DPP7: variants seen among roughly 807,000 people sequenced by gnomAD.
The protein encoded by DPP7 is dipeptidyl peptidase 2.
In DPP7, 74 loss-of-function variants were observed where a neutral mutation model predicts 58.8. The ratio of observed to expected loss-of-function variants is 1.26; its 90% confidence interval spans 1.04 to 1.53. The LOEUF (loss-of-function observed/expected upper bound fraction) is 1.53. DPP7 is among the 40% of genes most tolerant of loss of function. The probability of loss-of-function intolerance (pLI) is 0.00; values close to 1 mark genes in which losing one functional copy is unlikely to be tolerated. For missense variants in DPP7, 807 were observed against 692.3 expected (o/e 1.17, Z -1.86); for synonymous variants, 350 against 303.6 (o/e 1.15, Z -1.59).
At chr9:137,115,777 C>T (rs377173008), upstream of DPP7, among the ~76,000 whole-genome samples, 11 of 152,260 alleles carry the variant, frequency 7.2e-5, no homozygotes, top group East Asian at 3.9e-4. Context: ...CACTGCAACA[C>T]GAGGTCATCC....
intron 11 of DPP7, among the ~76,000 whole-genome samples, chr9:137,111,314 G>T (rs1323373009): frequency 1.5e-5 from 2 of 131,896 alleles, no homozygotes; most frequent in African/African-American, 5.1e-5. Flanking sequence ...ACGGGAGCAG[G>T]GTAGGGGCAG....
At position 137,114,733 on chromosome 9, in the gene DPP7, C is replaced by G. The variant is rs1386731365; in HGVS notation, c.-20G>C. 7 of 1,268,174 alleles carry G rather than the reference C, an allele frequency of 5.5e-6. No individual in the cohort carries two copies. The highest frequency in any genetic ancestry group is 6.9e-6 in the Non-Finnish European group (7 of 1,010,102). The allele number at this position is 1,268,174 out of a possible 1,614,324, so 78.6% of individuals were successfully genotyped here. ...GCCCATGTCGCCTTCCGCGGGCGCC[C>G]GTCACGTGGGCGGGGTCACGGGGCC... On this transcript the variant is annotated 5_prime_UTR_variant, in exon 1 of 13. Transcript: ENST00000371579.
chr9:137,113,453 G>A lies in DPP7; in HGVS notation c.529C>T (p.His177Tyr), dbSNP rs757478365. The stretch of plus-strand genomic sequence containing the variant: ...GCCGCCAGCGCCCCCGCCACCAGGT[G>A]GGGATACTTCATCCTCAGGTAGGCA... ...LSAYLRMKYPHLVAGALAASA... is the reference protein window; with the variant it reads ...LSAYLRMKYPYLVAGALAASA... Residue 177 changes from histidine (H) to tyrosine (Y), a missense_variant, in exon 5 of 13, where the codon CAC becomes TAC. Coordinates refer to ENST00000371579, the MANE Select transcript of DPP7 (RefSeq NM_013379.3). The A allele has an allele frequency of 1.1e-5, 18 of 1,603,794 alleles. No individual in the cohort carries two copies. Among genetic ancestry groups the A allele is most frequent in the Non-Finnish European group, 1.4e-5 (17 of 1,173,982 alleles).
At position 137,113,905 on chromosome 9, in the gene DPP7, G is replaced by A; in HGVS notation, c.445C>T (p.Leu149Phe). The A allele has an allele frequency of 3.2e-6, 5 of 1,572,470 alleles. No individual in the cohort carries two copies. Among genetic ancestry groups the A allele is most frequent in the Non-Finnish European group, 4.3e-6 (5 of 1,165,342 alleles). The change falls in exon 4 of 13, where the codon CTC becomes TTC. Residue 149 changes from leucine to phenylalanine, a missense_variant. By Grantham distance (22) the Leu-to-Phe change is conservative. Around this residue, in one of 3 missense-constraint regions of DPP7, gnomAD observed 624 missense variants for 531.2 expected, o/e 1.17. Coordinates refer to ENST00000371579, the MANE Select transcript of DPP7 (RefSeq NM_013379.3). The part of the protein sequence containing the change: ...AELLRALRRD[L>F]GAQDAPAIAF... ...ATGGCGGGGGCATCCTGGGCCCCGA[G>A]GTCGCGTCGTAGCGCGCGGAGCAGC... is the stretch of plus-strand genomic sequence containing the variant.
In DPP7 at chr9:137,113,981, G is replaced by A. The variant is rs1329769283; in HGVS notation, c.369C>T (p.Arg123=). The part of the protein sequence containing the change: ...SLPFGAQSTQ[R]GHTELLTVEQ... ...CCACCGTCAGCAGCTCCGTGTGCCC[G>A]CGCTGCGTGGACTGCGCACCGAACG... The change falls in exon 4 of 13, where the codon CGC becomes CGT. Residue 123 remains arginine (R), a synonymous_variant. Coordinates refer to ENST00000371579, the MANE Select transcript of DPP7 (RefSeq NM_013379.3). The A allele has an allele frequency of 6.3e-7, 1 of 1,579,140 alleles. No individual in the cohort carries two copies. The highest frequency in any genetic ancestry group is 8.6e-7 in the Non-Finnish European group (1 of 1,167,050).
At position 137,113,888 on chromosome 9, in the gene DPP7, G is replaced by A; in HGVS notation, c.462C>T (p.Ala154=). 3.2e-6 allele frequency: 5 copies of A among 1,560,724 alleles called. No homozygotes were observed. Among genetic ancestry groups the A allele is most frequent in the Non-Finnish European group, 4.3e-6 (5 of 1,158,986 alleles). ...ALRRDLGAQD[A]PAIAFGGSYG... is the part of the protein sequence containing the mutation. ...ACCTTCCACCGAAGGCGATGGCGGGGGCATCCTGGGCCCCGAGGTCGCGTC... is the reference window on the plus strand; with the variant it reads ...ACCTTCCACCGAAGGCGATGGCGGGAGCATCCTGGGCCCCGAGGTCGCGTC... The change falls in exon 4 of 13, where the codon GCC becomes GCT. Residue 154 remains alanine (A), a synonymous_variant. Coordinates refer to ENST00000371579, the MANE Select transcript of DPP7 (RefSeq NM_013379.3).
Position 137,112,738 on chromosome 9 carries a change from A to T in DPP7, c.931+7T>A, listed in dbSNP as rs771308357. ...CACTTGCCCATCTGGGGCCGGGGGA[A>T]GGGCACCTGCCAGTGCTCGCAGCCC... On this transcript the variant is annotated splice_region_variant and intron_variant, in intron 8 of 12. Transcript: ENST00000371579. The T allele has an allele frequency of 1.7e-5, 27 of 1,595,788 alleles. No individual in the cohort carries two copies. The highest frequency in any genetic ancestry group is 2.2e-5 in the Non-Finnish European group (26 of 1,174,802).
At chr9:137,117,538 C>T (rs1280122816), upstream of DPP7, among the ~76,000 whole-genome samples, 1 of 152,262 alleles carries the variant, frequency 6.6e-6, no homozygotes, top group Non-Finnish European at 1.5e-5. Context: ...CGAGGTCCAT[C>T]TGCCCTCTCC....
At position 137,114,560 on chromosome 9, in the gene DPP7, G is replaced by C; in HGVS notation, c.84C>G (p.Asp28Glu). Residue 28 changes from aspartate (D) to glutamate (E), a missense_variant, in exon 2 of 13, where the codon GAC becomes GAG. Around this residue, in one of 3 missense-constraint regions of DPP7, gnomAD observed 168 missense variants for 124.1 expected, o/e 1.35. Transcript: ENST00000371579. Reference protein sequence around the residue: ...GLQAGARRAPDPGFQERFFQQ... With the variant: ...GLQAGARRAPEPGFQERFFQQ... ...GGAAGAAGCGCTCCTGGAAGCCGGG[G>C]TCCGGGGCCCTGCGGGCTGTGGGGG... The C allele has an allele frequency of 1.3e-6, 2 of 1,558,796 alleles. No individual in the cohort carries two copies. Among genetic ancestry groups the C allele is most frequent in the Non-Finnish European group, 1.7e-6 (2 of 1,153,926 alleles).
At chr9:137,116,467 A>G (rs895548862), upstream of DPP7, among the ~76,000 whole-genome samples, 5 of 152,240 alleles carry the variant, frequency 3.3e-5, no homozygotes, top group Admixed American at 6.5e-5. Context: ...CTTTGTTAAC[A>G]ATGTGTTTGC....
At chr9:137,112,073 T>G (rs1406860015) in intron 9 of DPP7, 39 bp downstream of exon 9, 16 of 1,612,038 alleles carry the variant, frequency 9.9e-6, no homozygotes, top group Non-Finnish European at 1.4e-5. Flanking sequence ...ACGCCCACCC[T>G]TGCCCCCGAG....
intron 2 of DPP7, 31 bp from the exon 3 acceptor site, chr9:137,114,413 C>G (rs561822248): frequency 6.4e-7 from 1 of 1,562,272 alleles, no homozygotes; most frequent in Non-Finnish European, 8.7e-7. Flanking sequence ...GCGAGGGTGC[C>G]GGGGGGCGGC....
At position 137,112,676 on chromosome 9, in the gene DPP7, C is replaced by T. The variant is rs536088659; in HGVS notation, c.931+69G>A. On this transcript the variant is annotated intron_variant, in intron 8 of 12. Coordinates refer to ENST00000371579, the MANE Select transcript of DPP7 (RefSeq NM_013379.3). ...GGCCGGGCTGCGGATCCTCGCCCCA[C>T]CCGGCCCCAGGACCCAAGCCAAGCC... 4.0e-5 allele frequency: 62 copies of T among 1,532,292 alleles called. No individual in the cohort carries two copies. The African/African-American group carries it at 6.3e-4, about 16-fold the overall frequency. The allele number at this position is 1,532,292 out of a possible 1,614,324, so 94.9% of individuals were successfully genotyped here.
At chr9:137,113,823 G>GCAGGGGAGGGAGGGGGTGCGGAGGC in intron 4 of DPP7, 42 bp downstream of exon 4, 2 of 1,369,794 alleles carry the variant, frequency 1.5e-6, no homozygotes, top group Non-Finnish European at 1.9e-6. Flanking sequence ...CTGGGTCGGG[G>GCAGGGGAGGGAGGGGGTGCGGAGGC]CAGGGGAGGG....
chr9:137,112,906 G>A (rs1222881185), intron 7 of DPP7, 47 bp downstream of exon 7: 1 of 1,609,140 alleles, frequency 6.2e-7, no homozygotes, highest in Admixed American at 1.7e-5. Flanking sequence ...CCAGCCTCGG[G>A]ACACTCCAGC....
chr9:137,112,235 G>A lies in DPP7; in HGVS notation c.932-5C>T. On this transcript the variant is annotated splice_region_variant and splice_polypyrimidine_tract_variant and intron_variant, in intron 8 of 12. Transcript: ENST00000371579. ...CCGAGGCGTTGTAGACCAGCCCTGGGGAGGAGAGGCGCTGGGGCCCAGCGG... is the reference window on the plus strand; with the variant it reads ...CCGAGGCGTTGTAGACCAGCCCTGGAGAGGAGAGGCGCTGGGGCCCAGCGG... 1 of 1,595,936 alleles carries A rather than the reference G, an allele frequency of 6.3e-7. No individual in the cohort carries two copies. Among genetic ancestry groups the A allele is most frequent in the Non-Finnish European group, 8.5e-7 (1 of 1,178,026 alleles).
In DPP7 at chr9:137,111,925, G is replaced by C. The variant is rs1831387009; in HGVS notation, c.1155C>G (p.Thr385=). 2 of 1,613,314 alleles carry C rather than the reference G, an allele frequency of 1.2e-6. No individual in the cohort carries two copies. Among genetic ancestry groups the C allele is most frequent in the Non-Finnish European group, 1.7e-6 (2 of 1,179,816 alleles). The change falls in exon 10 of 13, where the codon ACC becomes ACG. Residue 385 remains threonine (T), a synonymous_variant. Coordinates refer to ENST00000371579, the MANE Select transcript of DPP7 (RefSeq NM_013379.3). ...DELRQRYCLD[T]WGVWPRPDWL... is the part of the protein sequence containing the mutation. The stretch of plus-strand genomic sequence containing the variant: ...AGTCGGGCCGGGGCCACACGCCCCA[G>C]GTGTCCAGGCAGTACCGCTGGCGGA...
At chr9:137,112,903 C>T (rs751745608) in intron 7 of DPP7, 50 bp downstream of exon 7, 29 of 1,608,024 alleles carry the variant, frequency 1.8e-5, no homozygotes, top group East Asian at 1.3e-4. Context: ...CCACCAGCCT[C>T]GGGACACTCC....
rs1223996651 is a variant in DPP7, at chr9:137,112,811, G to A, written c.871-6C>T. On this transcript the variant is annotated splice_region_variant and splice_polypyrimidine_tract_variant and intron_variant, in intron 7 of 12. Transcript: ENST00000371579. ...AGCAGCCGATCACAGCCCACCTGGAGTGCAGGGGCAGCGGCGACTCAGCGG... is the reference window on the plus strand; with the variant it reads ...AGCAGCCGATCACAGCCCACCTGGAATGCAGGGGCAGCGGCGACTCAGCGG... 1 of 1,609,448 alleles carries A rather than the reference G, an allele frequency of 6.2e-7. No homozygotes were observed. Among genetic ancestry groups the A allele is most frequent in the Non-Finnish European group, 8.5e-7 (1 of 1,179,400 alleles).
Sources: allele counts gnomAD v4.1 joint callset (sites outside exome capture counted in the v4.1 genomes callset), GRCh38; gene constraint gnomAD v4.1.1; regional missense constraint gnomAD v4.1.1; transcripts MANE v1.5; gene names NCBI Gene and HGNC (gene_info 2026-07-23, HGNC 2026-07-21).